CFAP47: variants seen among roughly 807,000 people sequenced by gnomAD.
The protein encoded by CFAP47 is cilia- and flagella-associated protein 47.
In CFAP47, 29 loss-of-function variants were observed where a neutral mutation model predicts 148.1. The ratio of observed to expected loss-of-function variants is 0.20; its 90% confidence interval spans 0.15 to 0.27. The LOEUF (loss-of-function observed/expected upper bound fraction) is 0.27. Among genes scored for constraint, CFAP47 ranks in the 10% least tolerant of loss-of-function variants. The pLI, the probability that CFAP47 is intolerant of heterozygous loss-of-function variation, is 1.00. For missense variants in CFAP47, 1,872 were observed against 1,697.5 expected (o/e 1.10, Z -1.81); for synonymous variants, 664 against 577.3 (o/e 1.15, Z -2.15).
intron 55 of CFAP47, among the ~76,000 whole-genome samples, chrX:36,307,703 AGG>A (rs1941361987): frequency 9.0e-6 from 1 of 111,001 alleles, no homozygotes; most frequent in South Asian, 3.7e-4. Context: ...CTGACATCTG[AGG>A]GGCAGTGGAA....
chrX:36,155,831 T>G (rs1022389991), intron 37 of CFAP47, among the ~76,000 whole-genome samples: 4 of 111,143 alleles, frequency 3.6e-5, no homozygotes, highest in African/African-American at 1.3e-4. Context: ...CAATTTGGAG[T>G]ACTGGTGACT....
At chrX:36,262,950 C>T (rs1265857761) in intron 49 of CFAP47, among the ~76,000 whole-genome samples, 1 of 111,996 alleles carries the variant, frequency 8.9e-6, no homozygotes, top group African/African-American at 3.3e-5. Flanking sequence ...TTTTGATTTG[C>T]ATTTCTCTGA....
intron 49 of CFAP47, among the ~76,000 whole-genome samples, chrX:36,269,069 C>A (rs955165698): frequency 6.3e-5 from 7 of 111,701 alleles, no homozygotes; most frequent in African/African-American, 2.0e-4. Flanking sequence ...AAACCTTTGA[C>A]TCTGGCCACT....
chrX:36,227,343 A>G (rs1940281690), intron 45 of CFAP47, among the ~76,000 whole-genome samples: 2 of 111,845 alleles, frequency 1.8e-5, no homozygotes, highest in South Asian at 7.3e-4. Context: ...ATGTTTTAAT[A>G]TGTACTATTC....
chrX:36,239,995 AC>A (rs1205959755), intron 48 of CFAP47, among the ~76,000 whole-genome samples: 1 of 111,952 alleles, frequency 8.9e-6, no homozygotes, highest in Non-Finnish European at 1.9e-5. Context: ...ATTACTGCTG[AC>A]CGCTAAGCCA....
At chrX:36,366,834 G>T (rs1941881852) in intron 61 of CFAP47, 132 bp from the exon 62 acceptor site, 1 of 326,864 alleles carries the variant, frequency 3.1e-6, no homozygotes, top group South Asian at 1.4e-4. Context: ...TTATTTTTAA[G>T]AATTAAATGT....
At chrX:36,110,665 A>C (rs1292998107) in intron 33 of CFAP47, among the ~76,000 whole-genome samples, 1 of 112,049 alleles carries the variant, frequency 8.9e-6, no homozygotes, top group African/African-American at 3.2e-5. Flanking sequence ...GTAGTTTTAT[A>C]GAAATAGCAT....
chrX:35,967,245 A>G (rs770985365), intron 9 of CFAP47, among the ~76,000 whole-genome samples: 42 of 110,631 alleles, frequency 3.8e-4, no homozygotes, highest in African/African-American at 1.3e-3. Context: ...AAACTTTTTG[A>G]CTATTCTATG....
chrX:36,129,025 G>A (rs945790094), intron 33 of CFAP47, among the ~76,000 whole-genome samples: 2 of 109,661 alleles, frequency 1.8e-5, no homozygotes, highest in Non-Finnish European at 3.8e-5. Flanking sequence ...GAGTTTCTGT[G>A]TTAGTGATAT....
intron 38 of CFAP47, 59 bp from the exon 39 acceptor site, chrX:36,160,622 A>T: frequency 3.5e-6 from 1 of 286,343 alleles, no homozygotes; most frequent in Non-Finnish European, 6.1e-6. Context: ...ATATTTTATA[A>T]TTCAGAAAGT....
intron 48 of CFAP47, among the ~76,000 whole-genome samples, chrX:36,242,175 A>T (rs782147661): frequency 1.8e-5 from 2 of 112,337 alleles, no homozygotes; most frequent in African/African-American, 6.5e-5. Flanking sequence ...CAAACTGACT[A>T]TACCCAAATT....
At position 36,252,264 on chromosome X, in the gene CFAP47, C is replaced by A. The variant is rs782655219; in HGVS notation, c.7444+820C>A. On this transcript the variant is annotated intron_variant, in intron 49 of 63. Coordinates refer to ENST00000378653, the MANE Select transcript of CFAP47 (RefSeq NM_001304548.2). ...AGCCTCACATCCCTGCTTACCTCAA[C>A]AAAGTGTTTGAGGGAAGGGTTTATA... 1.9e-3 allele frequency among the ~76,000 whole-genome samples: 205 copies of A among 108,498 alleles called. 1 individual carries two copies. Among genetic ancestry groups the A allele is most frequent in the African/African-American group, 6.5e-3 (195 of 29,896 alleles). The allele number at this position is 108,498 out of a possible 115,157, so 94.2% of individuals were successfully genotyped here.
rs782207556 is a variant in CFAP47, at chrX:36,348,390, A to G, written c.8603+102A>G. ...GTTATACATATATAATGTCAAGCTCATGATTTTATATTCTCTGAACTGTTG... is the reference window on the plus strand; with the variant it reads ...GTTATACATATATAATGTCAAGCTCGTGATTTTATATTCTCTGAACTGTTG... On this transcript the variant is annotated intron_variant, in intron 58 of 63. Coordinates refer to ENST00000378653, the MANE Select transcript of CFAP47 (RefSeq NM_001304548.2). The G allele has an allele frequency of 2.8e-3, 1,010 of 362,888 alleles. 6 individuals are homozygous for G. The highest frequency in any genetic ancestry group is 3.5e-3 in the Non-Finnish European group (808 of 228,644). The allele number at this position is 362,888 out of a possible 1,213,427, so 29.9% of individuals were successfully genotyped here. A position where few individuals can be genotyped will look rare whatever the true frequency, so the allele number is the denominator to read the frequency against.
chrX:36,228,198 C>A (rs1204889665), intron 45 of CFAP47, among the ~76,000 whole-genome samples: 1 of 111,334 alleles, frequency 9.0e-6, no homozygotes, highest in Non-Finnish European at 1.9e-5. Flanking sequence ...CTATCTCAGC[C>A]CCCTTTCTAT....
intron 30 of CFAP47, among the ~76,000 whole-genome samples, chrX:36,096,709 C>T (rs1938285063): frequency 9.1e-6 from 1 of 109,595 alleles, no homozygotes; most frequent in African/African-American, 3.3e-5. Flanking sequence ...CTTTTTCCAT[C>T]CGTGTATGTT....
At chrX:36,072,504 T>A (rs1348484622) in intron 28 of CFAP47, among the ~76,000 whole-genome samples, 1 of 112,100 alleles carries the variant, frequency 8.9e-6, no homozygotes, top group Non-Finnish European at 1.9e-5. Flanking sequence ...TATTTACCAT[T>A]AACTGTTCAA....
At chrX:36,132,983 T>C (rs763464414) in intron 33 of CFAP47, among the ~76,000 whole-genome samples, 35 of 111,552 alleles carry the variant, frequency 3.1e-4, no homozygotes, top group African/African-American at 1.1e-3. Context: ...AACATAAAGC[T>C]GAGATTGCAG....
intron 25 of CFAP47, among the ~76,000 whole-genome samples, chrX:36,041,082 T>C (rs936000226): frequency 2.7e-5 from 3 of 111,590 alleles, no homozygotes; most frequent in Non-Finnish European, 5.7e-5. Context: ...AGATTACAAA[T>C]AATAGCCTCT....
At chrX:36,178,013 G>A (rs1297275256) in intron 39 of CFAP47, among the ~76,000 whole-genome samples, 2 of 111,901 alleles carry the variant, frequency 1.8e-5, no homozygotes, top group Admixed American at 9.5e-5. Flanking sequence ...AAAAATGAAA[G>A]AGATCATGTT....
Sources: gnomAD v4.1 joint callset for allele counts (sites outside exome capture counted in the v4.1 genomes callset) on GRCh38, gnomAD v4.1.1 for gene constraint, MANE v1.5 for transcripts, NCBI Gene and HGNC (gene_info 2026-07-23, HGNC 2026-07-21) for gene names.